Variants in DSE observed in about 807,000 individuals in gnomAD.
DSE encodes dermatan-sulfate epimerase.
In DSE, 36 loss-of-function variants were observed where a neutral mutation model predicts 84.4. The ratio of observed to expected loss-of-function variants is 0.43; its 90% CI spans 0.33 to 0.56. The LOEUF (loss-of-function observed/expected upper bound fraction) is 0.56. Among genes scored for constraint, DSE ranks in the 20% least tolerant of loss-of-function variants. The probability of loss-of-function intolerance (pLI) is 0.06; values close to 1 mark genes in which losing one functional copy is unlikely to be tolerated. For missense variants in DSE, 862 were observed against 1,169.6 expected (o/e 0.74, Z 3.84); for synonymous variants, 410 against 430.1 (o/e 0.95, Z 0.58).
At chr6:116,366,622 A>G (rs1241737511), upstream of DSE, 2 of 152,242 alleles carry the variant, frequency 1.3e-5, no homozygotes, top group Admixed American at 6.5e-5. Context: ...TCAAAAGTCA[A>G]TTGTCAATGA....
chr6:116,307,353 C>T (rs966978850), intron 2 of DSE, among the ~76,000 whole-genome samples: 15 of 152,268 alleles, frequency 9.9e-5, no homozygotes, highest in Non-Finnish European at 1.9e-4. Flanking sequence ...CTAGTCAAGC[C>T]GATGCATTGT....
At chr6:116,281,631 G>A (rs1400492939) in intron 2 of DSE, among the ~76,000 whole-genome samples, 1 of 152,190 alleles carries the variant, frequency 6.6e-6, no homozygotes, top group East Asian at 1.9e-4. Context: ...TACCACAAAC[G>A]ATATCTGAGG....
chr6:116,393,220 A>G (rs533299915), intron 1 of DSE, among the ~76,000 whole-genome samples: 10 of 152,336 alleles, frequency 6.6e-5, no homozygotes, highest in Non-Finnish European at 1.2e-4. Flanking sequence ...TTAATCTATT[A>G]TTCTTTTCTT....
intron 2 of DSE, among the ~76,000 whole-genome samples, chr6:116,294,409 G>T (rs1406848028): frequency 1.3e-5 from 2 of 152,196 alleles, no homozygotes; most frequent in Non-Finnish European, 2.9e-5. Context: ...TTAGTAATCA[G>T]AATTGTATTG....
intron 2 of DSE, among the ~76,000 whole-genome samples, chr6:116,270,650 A>G (rs1361386902): frequency 6.6e-6 from 1 of 152,180 alleles, no homozygotes; most frequent in East Asian, 1.9e-4. Flanking sequence ...CAGTTATCTG[A>G]TAGGATTTGG....
In DSE at chr6:116,439,274, A is replaced by G. The variant is rs1240347537; in HGVS notation, c.*1929A>G. 6.6e-6 allele frequency: 1 copy of G among 152,220 alleles called. No individual in the cohort carries two copies. 9.4% of individuals were successfully genotyped at this position (152,220 alleles called of 1,614,324 possible). Reference sequence around the variant, plus strand: ...ACTTTCTAACAGAGATGAAAAGTGCAAGTGAGTGCCAAACTCGCTTTTCTT... The same window carrying G: ...ACTTTCTAACAGAGATGAAAAGTGCGAGTGAGTGCCAAACTCGCTTTTCTT... On this transcript the variant is annotated 3_prime_UTR_variant, in exon 6 of 6. Transcript: ENST00000644252.
chr6:116,420,067 A>G (rs1442889791), intron 2 of DSE, among the ~76,000 whole-genome samples: 1 of 152,232 alleles, frequency 6.6e-6, no homozygotes, highest in East Asian at 1.9e-4. Flanking sequence ...ACTAGGAAAT[A>G]GGATTAATTA....
exon 1 of DSE, chr6:116,254,255 A>T (rs1772049768): frequency 1.5e-6 from 1 of 687,206 alleles, no homozygotes; most frequent in Non-Finnish European, 2.7e-6. Context: ...CTGGAAGGGG[A>T]GTTTTACTTA....
intron 2 of DSE, among the ~76,000 whole-genome samples, chr6:116,318,914 A>G (rs928651273): frequency 6.6e-6 from 1 of 152,212 alleles, no homozygotes; most frequent in South Asian, 2.1e-4. Context: ...TAACATGTTT[A>G]CATATGATTT....
chr6:116,415,817 T>C (rs1782668134), intron 2 of DSE, among the ~76,000 whole-genome samples: 2 of 152,190 alleles, frequency 1.3e-5, no homozygotes, highest in African/African-American at 2.4e-5. Flanking sequence ...TGGGTCTCTT[T>C]TGTCCTATTA....
At chr6:116,260,411 A>C (rs2114595247) in intron 2 of DSE, among the ~76,000 whole-genome samples, 1 of 151,824 alleles carries the variant, frequency 6.6e-6, no homozygotes, top group East Asian at 1.9e-4. Context: ...GTTTGAAAAA[A>C]TTTTCTCCCA....
intron 2 of DSE, among the ~76,000 whole-genome samples, chr6:116,410,764 A>AAAAAAAG (rs1554224280): frequency 4.9e-4 from 69 of 139,828 alleles, no homozygotes; most frequent in African/African-American, 1.1e-3. Flanking sequence ...AAAAAAAAAA[A>AAAAAAAG]AAGAAGAAGA....
chr6:116,370,747 G>A (rs1779484471), upstream of DSE: 3 of 881,366 alleles, frequency 3.4e-6, no homozygotes, highest in Admixed American at 6.2e-5. Context: ...GGGAGAGGAG[G>A]AGCGGGAGAA....
chr6:116,304,615 G>A (rs554629730), intron 2 of DSE, among the ~76,000 whole-genome samples: 1 of 152,296 alleles, frequency 6.6e-6, no homozygotes, highest in African/African-American at 2.4e-5. Context: ...TTTGGGGTTT[G>A]GAAATTCTGG....
chr6:116,268,157 C>T (rs1184935591), intron 2 of DSE, among the ~76,000 whole-genome samples: 2 of 152,190 alleles, frequency 1.3e-5, no homozygotes, highest in Non-Finnish European at 2.9e-5. Flanking sequence ...GTGTCCTATA[C>T]AGGTATACCA....
chr6:116,411,384 G>A (rs1242764706), intron 2 of DSE, among the ~76,000 whole-genome samples: 3 of 152,206 alleles, frequency 2.0e-5, no homozygotes, highest in Non-Finnish European at 4.4e-5. Context: ...AGCCACGTGG[G>A]TGTCCTCAAA....
At chr6:116,393,270 G>A (rs139140937) in intron 1 of DSE, among the ~76,000 whole-genome samples, 1 of 152,174 alleles carries the variant, frequency 6.6e-6, no homozygotes, top group African/African-American at 2.4e-5. Flanking sequence ...AAATTTAAAG[G>A]GTCGTATACT....
At chr6:116,291,131 A>G (rs537433156) in intron 2 of DSE, among the ~76,000 whole-genome samples, 140 of 152,304 alleles carry the variant, frequency 9.2e-4, no homozygotes, top group Admixed American at 1.6e-3. Context: ...GACTTTGTTC[A>G]TTAGGGACCA....
upstream of DSE, chr6:116,370,635 C>A: frequency 1.4e-6 from 1 of 733,882 alleles, no homozygotes; most frequent in Non-Finnish European, 1.7e-6. Context: ...TCCTAAGAAA[C>A]TAGAACAAGT....
Sources: allele counts gnomAD v4.1 joint callset (sites outside exome capture counted in the v4.1 genomes callset), GRCh38; gene constraint gnomAD v4.1.1; transcripts MANE v1.5; gene names NCBI Gene and HGNC (gene_info 2026-07-23, HGNC 2026-07-21).